ARHGEF2: variants seen among roughly 807,000 people sequenced by gnomAD.
ARHGEF2 encodes the protein Rho/Rac guanine nucleotide exchange factor 2.
A neutral mutation model predicts 121.0 loss-of-function variants in ARHGEF2; 22 were observed. The observed-to-expected ratio is 0.18, with a 90% CI of 0.13 to 0.26. The LOEUF (loss-of-function observed/expected upper bound fraction) is 0.26, where lower values mean the gene tolerates loss of function less well. Ranked by LOEUF, ARHGEF2 falls within the 10% of genes least tolerant of loss-of-function variation. The probability of loss-of-function intolerance (pLI) is 1.00; values close to 1 mark genes in which losing one functional copy is unlikely to be tolerated. For synonymous variants in ARHGEF2, 487 were observed against 530.0 expected (o/e 0.92, Z 1.11); for missense variants, 907 against 1,336.0 (o/e 0.68, Z 5.01).
chr1:155,964,708 T>C (rs1572146992), intron 7 of ARHGEF2, among the ~76,000 whole-genome samples: 1 of 151,398 alleles, frequency 6.6e-6, no homozygotes. Context: ...TCACCTGAGG[T>C]CAGGAGTTTG....
chr1:155,972,381 G>A (rs1271516363), intron 1 of ARHGEF2: 1 of 445,552 alleles, frequency 2.2e-6, no homozygotes, highest in Non-Finnish European at 4.6e-6. Flanking sequence ...TATTGTCCCG[G>A]AGGTTGCCTG....
At chr1:155,964,930 G>A in intron 7 of ARHGEF2, 58 bp downstream of exon 7, 1 of 1,519,258 alleles carries the variant, frequency 6.6e-7, no homozygotes, top group Non-Finnish European at 8.9e-7. Flanking sequence ...AATAAAGAAG[G>A]AAGTAGATAA....
chr1:155,958,214 T>C lies in ARHGEF2; in HGVS notation c.1545+106A>G. The stretch of plus-strand genomic sequence containing the variant: ...TTACGGTAATAGTAACAATTATAGC[T>C]GTTTGACTCTGGGGGACTCCAGAGC... On this transcript the variant is annotated intron_variant, in intron 12 of 21. Coordinates refer to ENST00000361247, the MANE Select transcript of ARHGEF2 (RefSeq NM_001162383.2). 6.0e-6 allele frequency: 5 copies of C among 832,272 alleles called. No homozygotes were observed. In the East Asian group the frequency reaches 1.0e-4, roughly 17 times the overall value. 51.6% of individuals were successfully genotyped at this position (832,272 alleles called of 1,614,324 possible).
rs373104177 is a variant in ARHGEF2 at position 155,969,296 on chromosome 1, C to T, written c.68G>A (p.Arg23Gln). 24 of 1,613,816 alleles carry T rather than the reference C, an allele frequency of 1.5e-5. No homozygotes were observed. In the African/African-American group the frequency reaches 1.6e-4, roughly 11 times the overall value. The change falls in exon 2 of 22, where the codon CGG (arginine) becomes CAG (glutamine). Residue 23 changes from arginine (R) to glutamine (Q), a missense_variant. Transcript: ENST00000361247. ...GGCTTCCTTCATCTTCTCCTTTTCC[C>T]GGGTCTGTGGAAGGGATGAGAGGGA... ...DRSRELASKT[R>Q]EKEKMKEAKD...
At chr1:155,964,282 T>C (rs1029611364) in intron 7 of ARHGEF2, among the ~76,000 whole-genome samples, 9 of 146,868 alleles carry the variant, frequency 6.1e-5, no homozygotes, top group South Asian at 4.3e-4. Flanking sequence ...TGGCGTCAAG[T>C]GATCCTCCCA....
intron 7 of ARHGEF2, among the ~76,000 whole-genome samples, chr1:155,963,915 C>T (rs1572136075): frequency 1.3e-5 from 2 of 150,388 alleles, no homozygotes; most frequent in East Asian, 2.0e-4. Context: ...GAGGCCGAGG[C>T]GGGTGCATCA....
chr1:155,976,088 C>T (rs2102696725), intron 1 of ARHGEF2, among the ~76,000 whole-genome samples: 1 of 151,752 alleles, frequency 6.6e-6, no homozygotes, highest in Non-Finnish European at 1.5e-5. Flanking sequence ...GGAGGAGCTC[C>T]CAGGGAATGA....
chr1:155,974,890 A>G (rs963272978), intron 1 of ARHGEF2, among the ~76,000 whole-genome samples: 1 of 152,150 alleles, frequency 6.6e-6, no homozygotes, highest in Middle Eastern at 3.4e-3. Flanking sequence ...GCATTTGTGC[A>G]AGTGAACAAT....
chr1:155,964,165 A>ATATATATATAT (rs1390390498), intron 7 of ARHGEF2, among the ~76,000 whole-genome samples: 1 of 93,048 alleles, frequency 1.1e-5, no homozygotes, highest in African/African-American at 5.7e-5. Context: ...AAAAAAAAAA[A>ATATATATATAT]AAATATATAT....
At chr1:155,972,734 C>T (rs780920997) in intron 1 of ARHGEF2, among the ~76,000 whole-genome samples, 2 of 150,892 alleles carry the variant, frequency 1.3e-5, no homozygotes, top group Non-Finnish European at 3.0e-5. Context: ...CAGGGTCTCA[C>T]TCTGTTGCCT....
At position 155,952,105 on chromosome 1, in the gene ARHGEF2, C is replaced by G. The variant is rs377098747; in HGVS notation, c.2104+11G>C. 10 of 1,614,074 alleles carry G rather than the reference C, an allele frequency of 6.2e-6. No homozygotes were observed. The African/African-American group carries it at 1.1e-4, about 17-fold the overall frequency. The stretch of plus-strand genomic sequence containing the variant: ...CCACCTACTACCTTGGTCCCCTGCC[C>G]TGGTACTCACTGGCAGTGACCCCAG... On this transcript the variant is annotated intron_variant, in intron 16 of 21. Coordinates refer to ENST00000361247, the MANE Select transcript of ARHGEF2 (RefSeq NM_001162383.2).
intron 7 of ARHGEF2, among the ~76,000 whole-genome samples, chr1:155,963,675 ATT>A (rs55733137): frequency 1.6e-4 from 23 of 143,900 alleles, no homozygotes; most frequent in African/African-American, 3.2e-4. Flanking sequence ...TTTTATTATT[ATT>A]TTTTTTTTTC....
At chr1:155,958,437 G>A (rs747172167) in intron 11 of ARHGEF2, 41 bp from the exon 12 acceptor site, 34 of 1,517,640 alleles carry the variant, frequency 2.2e-5, no homozygotes, top group African/African-American at 5.5e-5. Flanking sequence ...AGCACTAGAC[G>A]GTCTGAGCAG....
chr1:155,965,618 A>C lies in ARHGEF2; in HGVS notation c.470+13T>G. ...CACTCTCTGGCTGCCCCTTTCCCCA[A>C]ACAGAGGCTCACCCAGCAATGTTGG... On this transcript the variant is annotated intron_variant, in intron 5 of 21. Coordinates refer to ENST00000361247, the MANE Select transcript of ARHGEF2 (RefSeq NM_001162383.2). This position sits in a 1 kb window ranked among gnomAD's most constrained non-coding sequence, Gnocchi z 6.0. 1 of 1,612,626 alleles carries C rather than the reference A, an allele frequency of 6.2e-7. No individual in the cohort carries two copies. Among genetic ancestry groups the C allele is most frequent in the African/African-American group, 1.3e-5 (1 of 75,012 alleles).
Position 155,950,983 on chromosome 1 carries a change from T to C in ARHGEF2, c.2549A>G (p.Glu850Gly). Residue 850 changes from glutamate (E) to glycine (G), a missense_variant, in exon 20 of 22, where the codon GAG becomes GGG. Transcript: ENST00000361247. This position sits in a 1 kb window ranked among gnomAD's most constrained non-coding sequence, Gnocchi z 5.2. The stretch of plus-strand genomic sequence containing the variant: ...CCTTCGAGCCTCTTCGGCCTCACGC[T>C]CCAGCAGTGCCCGGGCCTGCTCACT... ...RESEQARALLEREAEEARRQL... is the reference protein window; with the variant it reads ...RESEQARALLGREAEEARRQL... 1 of 1,609,656 alleles carries C rather than the reference T, an allele frequency of 6.2e-7. No homozygotes were observed. The highest frequency in any genetic ancestry group is 8.5e-7 in the Non-Finnish European group (1 of 1,178,902).
intron 13 of ARHGEF2, among the ~76,000 whole-genome samples, chr1:155,955,620 C>T (rs1676496337): frequency 6.6e-6 from 1 of 152,156 alleles, no homozygotes; most frequent in South Asian, 2.1e-4. Context: ...ATATCTTCCT[C>T]ATAGGTTTTT....
Position 155,962,887 on chromosome 1 carries a change from A to G in ARHGEF2, c.975+46T>C. 1.2e-6 allele frequency: 2 copies of G among 1,610,896 alleles called. No individual in the cohort carries two copies. The highest frequency in any genetic ancestry group is 1.7e-6 in the Non-Finnish European group (2 of 1,177,606). On this transcript the variant is annotated intron_variant, in intron 8 of 21. Transcript: ENST00000361247. The surrounding 1 kb of genome is among the most constrained non-coding windows in gnomAD (Gnocchi z 5.8). Reference sequence around the variant, plus strand: ...GACCCAAGAAATGCCCAACCCAGTCACACCTCCTTCCATGAATGTCACCCA... The same window carrying G: ...GACCCAAGAAATGCCCAACCCAGTCGCACCTCCTTCCATGAATGTCACCCA...
At chr1:155,959,054 G>A (rs1677322329) in intron 11 of ARHGEF2, among the ~76,000 whole-genome samples, 1 of 151,956 alleles carries the variant, frequency 6.6e-6, no homozygotes. Flanking sequence ...TTAACCTAGG[G>A]CCTACAGACC....
intron 1 of ARHGEF2, among the ~76,000 whole-genome samples, chr1:155,975,588 C>A (rs995685407): frequency 6.6e-6 from 1 of 152,134 alleles, no homozygotes; most frequent in Non-Finnish European, 1.5e-5. Context: ...TCTCCTCCAA[C>A]ACCGTCAGCC....
Sources: gnomAD v4.1 joint callset for allele counts (sites outside exome capture counted in the v4.1 genomes callset) on GRCh38, gnomAD v4.1.1 for gene constraint, Gnocchi (gnomAD v3.1) non-coding constraint, MANE v1.5 for transcripts, NCBI Gene and HGNC (gene_info 2026-07-23, HGNC 2026-07-21) for gene names.